Variants in FCRL2 observed in about 807,000 individuals in gnomAD.
The protein encoded by FCRL2 is Fc receptor like 2.
In FCRL2, 48 loss-of-function variants were observed where a neutral mutation model predicts 59.8. The observed-to-expected ratio is 0.80, with a 90% confidence interval of 0.64 to 1.02. FCRL2 has a LOEUF of 1.02. Ranked by LOEUF, FCRL2 falls within the 50% of genes least tolerant of loss-of-function variation. The pLI is 0.00. For synonymous variants in FCRL2, 251 were observed against 229.5 expected, an observed-to-expected ratio of 1.09 and a Z score of -0.85; for missense variants, 658 against 597.3, an observed-to-expected ratio of 1.10 and a Z score of -1.06.
chr1:157,758,821 A>G (rs1648802550), intron 7 of FCRL2, among the ~76,000 whole-genome samples: 1 of 152,206 alleles, frequency 6.6e-6, no homozygotes, highest in Non-Finnish European at 1.5e-5. Flanking sequence ...TGATAAACAC[A>G]AGCAATGGGG....
chr1:157,762,436 T>C (rs1015258179), intron 7 of FCRL2, among the ~76,000 whole-genome samples: 2 of 152,208 alleles, frequency 1.3e-5, no homozygotes, highest in East Asian at 1.9e-4. Context: ...GACCAAGAAT[T>C]GGCACATTTT....
At chr1:157,767,658 T>C in intron 5 of FCRL2, 149 bp from the exon 6 acceptor site, 1 of 1,601,436 alleles carries the variant, frequency 6.2e-7, no homozygotes, top group Non-Finnish European at 8.5e-7. Flanking sequence ...TTAGAGATAA[T>C]TTTCTCAACA....
At position 157,767,476 on chromosome 1, in the gene FCRL2, G is replaced by C; in HGVS notation, c.917C>G (p.Ser306Cys). The part of the protein sequence containing the change: ...PVSRPVLTLR[S>C]PGAQAAVGDL... ...CCCCACTGCAGCCTGGGCCCCAGGA[G>C]ACCTGAGGGTGAGGACAGGGCGAGA... Residue 306 changes from serine to cysteine, a missense_variant, in exon 6 of 12, where the codon TCT (serine) becomes TGT (cysteine). Ser to Cys is a moderately radical substitution (Grantham distance 112). Coordinates refer to ENST00000361516, the MANE Select transcript of FCRL2 (RefSeq NM_030764.4). The C allele has an allele frequency of 3.1e-6, 5 of 1,614,260 alleles. No individual in the cohort carries two copies. Among genetic ancestry groups the C allele is most frequent in the Non-Finnish European group, 4.2e-6 (5 of 1,180,048 alleles).
chr1:157,765,135 A>G (rs1649396968), intron 7 of FCRL2, among the ~76,000 whole-genome samples: 1 of 152,212 alleles, frequency 6.6e-6, no homozygotes, highest in South Asian at 2.1e-4. Context: ...CAGACATTGC[A>G]ACTGATATCA....
At position 157,769,942 on chromosome 1, in the gene FCRL2, C is replaced by T; in HGVS notation, c.519G>A (p.Gly173=). Residue 173 remains glycine (G), a synonymous_variant, in exon 4 of 12, where the codon GGG becomes GGA. Coordinates refer to ENST00000361516, the MANE Select transcript of FCRL2 (RefSeq NM_030764.4). ...QISAVWSEDT[G]SYWCKAETVT... ...CCGTTTCTGCCTTGCACCAGTAAGA[C>T]CCTGTGTCTTCACTCCACACGGCAG... 2 of 1,614,186 alleles carry T rather than the reference C, an allele frequency of 1.2e-6. No homozygotes were observed. The highest frequency in any genetic ancestry group is 1.7e-6 in the Non-Finnish European group (2 of 1,180,038).
At chr1:157,768,182 G>T in intron 5 of FCRL2, 1 of 499,480 alleles carries the variant, frequency 2.0e-6, no homozygotes, top group Non-Finnish European at 3.5e-6. Flanking sequence ...TCATCCTATC[G>T]TAGGATTGCA....
intron 4 of FCRL2, chr1:157,769,287 G>A (rs1649787985): frequency 6.4e-6 from 1 of 156,102 alleles, no homozygotes; most frequent in Admixed American, 6.2e-5. Context: ...AAATGCCAAG[G>A]CATACAGTCA....
At position 157,748,609 on chromosome 1, in the gene FCRL2, A is replaced by G. The variant is rs201754069; in HGVS notation, c.1403T>C (p.Val468Ala). 10 of 1,613,846 alleles carry G rather than the reference A, an allele frequency of 6.2e-6. No individual in the cohort carries two copies. The highest frequency in any genetic ancestry group is 8.5e-7 in the Non-Finnish European group (1 of 1,179,790). Residue 468 changes from valine (V) to alanine (A), a missense_variant, in exon 10 of 12, where the codon GTA becomes GCA. Val to Ala is a moderately conservative substitution (Grantham distance 64). Transcript: ENST00000361516. ...LQPVYVNVGS[V>A]DVDVVYSQVW... is the part of the protein sequence containing the mutation. ...CTGAGAATAAACCACATCCACATCT[A>G]CAGAGCCCACTGCAGGGAGAAGACA...
rs199502329 is a variant in FCRL2 at position 157,748,936 on chromosome 1, T to C, written c.1332A>G (p.Gln444=). 5 of 1,614,034 alleles carry C rather than the reference T, an allele frequency of 3.1e-6. No homozygotes were observed. The highest frequency in any genetic ancestry group is 4.2e-6 in the Non-Finnish European group (5 of 1,179,950). Residue 444 remains glutamine, a synonymous_variant, in exon 9 of 12, where the codon CAA becomes CAG. Coordinates refer to ENST00000361516, the MANE Select transcript of FCRL2 (RefSeq NM_030764.4). ...GGGTTGGGCTTGAATAGGTGAACTC[T>C]TGAGGATTTGGCCTGGAAGCCCCTC... ...EPRGASRPNP[Q]EFTYSSPTPD...
intron 7 of FCRL2, among the ~76,000 whole-genome samples, chr1:157,759,505 A>G (rs978736347): frequency 1.3e-5 from 2 of 152,208 alleles, no homozygotes; most frequent in African/African-American, 2.4e-5. Context: ...AAAGTAAATA[A>G]ACAATCTATA....
At position 157,746,647 on chromosome 1, in the gene FCRL2, A is replaced by G. The variant is rs1647766885; in HGVS notation, c.*89T>C. Reference sequence around the variant, plus strand: ...GCACGTTCTGGCTGTGGCAGGTGATAAGCCTCAAGCATTTTCATAAGGTTT... The same window carrying G: ...GCACGTTCTGGCTGTGGCAGGTGATGAGCCTCAAGCATTTTCATAAGGTTT... On this transcript the variant is annotated 3_prime_UTR_variant, in exon 12 of 12. Coordinates refer to ENST00000361516, the MANE Select transcript of FCRL2 (RefSeq NM_030764.4). 1 of 1,361,224 alleles carries G rather than the reference A, an allele frequency of 7.3e-7. No individual in the cohort carries two copies. The highest frequency in any genetic ancestry group is 1.4e-5 in the African/African-American group (1 of 69,430). The allele number at this position is 1,361,224 out of a possible 1,614,324, so 84.3% of individuals were successfully genotyped here.
chr1:157,748,441 C>CAAATAAAT lies in FCRL2; in HGVS notation c.1459+104_1459+111dup, dbSNP rs58239785. 1,700 of 355,794 alleles carry CAAATAAAT rather than the reference C, an allele frequency of 4.8e-3. 7 individuals carry two copies. The highest frequency in any genetic ancestry group is 9.7e-3 in the African/African-American group (438 of 45,064). The allele number at this position is 355,794 out of a possible 1,614,324, so 22.0% of individuals were successfully genotyped here. On this transcript the variant is annotated intron_variant, in intron 10 of 11. Transcript: ENST00000361516. ...CCTCAAAAGTAGATAGATAGATAGA[C>CAAATAAAT]AAATAAATAAATAAATAAATAAATA...
chr1:157,747,009 A>C, intron 10 of FCRL2, 110 bp from the exon 11 acceptor site: 1 of 1,138,870 alleles, frequency 8.8e-7, no homozygotes, highest in Non-Finnish European at 1.3e-6. Context: ...GTGGAATCCC[A>C]TTTTCTCCTG....
rs1307461361 is a variant in FCRL2, at chr1:157,748,927, G to A, written c.1341C>T (p.Thr447=). 1 of 1,613,866 alleles carries A rather than the reference G, an allele frequency of 6.2e-7. No homozygotes were observed. The change falls in exon 9 of 12, where the codon ACC becomes ACT. Residue 447 remains threonine, a synonymous_variant. Transcript: ENST00000361516. ...GASRPNPQEF[T]YSSPTPDMEE... Reference sequence around the variant, plus strand: ...CCATGTCTGGGGTTGGGCTTGAATAGGTGAACTCTTGAGGATTTGGCCTGG... The same window carrying A: ...CCATGTCTGGGGTTGGGCTTGAATAAGTGAACTCTTGAGGATTTGGCCTGG...
At chr1:157,757,926 C>T (rs1006405933) in intron 7 of FCRL2, among the ~76,000 whole-genome samples, 8 of 152,170 alleles carry the variant, frequency 5.3e-5, no homozygotes, top group South Asian at 4.1e-4. Context: ...GGTGCCACTG[C>T]GCTCTAGCCT....
chr1:157,758,679 G>T (rs117827222), intron 7 of FCRL2, among the ~76,000 whole-genome samples: 654 of 22,096 alleles, frequency 0.03, 8 homozygotes, highest in African/African-American at 0.11. Context: ...GCAGTCCCAA[G>T]CAAAAAAAAA....
chr1:157,762,903 T>A (rs2101717452), intron 7 of FCRL2, among the ~76,000 whole-genome samples: 1 of 152,298 alleles, frequency 6.6e-6, no homozygotes, highest in East Asian at 1.9e-4. Context: ...CTGATACAGT[T>A]CATCACCACT....
At chr1:157,763,207 G>A (rs1483104913) in intron 7 of FCRL2, among the ~76,000 whole-genome samples, 3 of 152,184 alleles carry the variant, frequency 2.0e-5, no homozygotes, top group Non-Finnish European at 4.4e-5. Context: ...AACCTTGAAT[G>A]TAAATTGATT....
intron 7 of FCRL2, among the ~76,000 whole-genome samples, chr1:157,750,150 A>G (rs149817482): frequency 1.3e-5 from 2 of 152,376 alleles, no homozygotes; most frequent in East Asian, 3.9e-4. Context: ...CTGGATGTTG[A>G]CATTCGTAAG....
Sources: gnomAD v4.1 joint callset for allele counts (sites outside exome capture counted in the v4.1 genomes callset) on GRCh38, gnomAD v4.1.1 for gene constraint, MANE v1.5 for transcripts, NCBI Gene and HGNC (gene_info 2026-07-23, HGNC 2026-07-21) for gene names.